The following ZNF672 variants were observed in gnomAD, a reference collection of about 807,000 sequenced individuals.
ZNF672 encodes hypothetical protein FLJ22301.
For synonymous variants in ZNF672, 358 were observed against 305.6 expected (o/e 1.17, Z -1.79); for missense variants, 733 against 701.1 (o/e 1.05, Z -0.51).
At position 248,849,338 on chromosome 1, in the gene ZNF672, T is replaced by C; in HGVS notation, c.*705T>C. 2.8e-6 allele frequency: 1 copy of C among 360,132 alleles called. No homozygotes were observed. Among genetic ancestry groups the C allele is most frequent in the South Asian group, 2.2e-5 (1 of 44,656 alleles). The allele number at this position is 360,132 out of a possible 1,614,324, so 22.3% of individuals were successfully genotyped here. A position where few individuals can be genotyped will look rare whatever the true frequency, so the allele number is the denominator to read the frequency against. On this transcript the variant is annotated 3_prime_UTR_variant, in exon 4 of 4. Transcript: ENST00000306562. ...TGTTCCCCAGCCAGGTGAGGACCAT[T>C]TTCACTGGGACCCAGGCCAAAACCA...
intron 1 of ZNF672, among the ~76,000 whole-genome samples, chr1:248,841,194 C>CT (rs1664674818): frequency 6.6e-6 from 1 of 152,232 alleles, no homozygotes; most frequent in Non-Finnish European, 1.5e-5. Context: ...TAGTCAGGCC[C>CT]TTTCCTCCAG....
rs1558239455 is a variant in ZNF672 at position 248,847,681 on chromosome 1, C to CCTTCCGGCAGAGCGCGCTGCT, written c.413_433dup (p.Arg138_Phe144dup). 6 of 1,478,216 alleles carry CCTTCCGGCAGAGCGCGCTGCT rather than the reference C, an allele frequency of 4.1e-6. No homozygotes were observed. In the East Asian group the frequency reaches 7.7e-5, roughly 19 times the overall value. The allele number at this position is 1,478,216 out of a possible 1,614,324, so 91.6% of individuals were successfully genotyped here. A position where few individuals can be genotyped will look rare whatever the true frequency, so the allele number is the denominator to read the frequency against. ...CGCCGCTGCCCGCTGTGCGCCCGCA[C>CCTTCCGGCAGAGCGCGCTGCT]CTTCCGGCAGAGCGCGCTGCTCTTC... On this transcript the variant is annotated inframe_insertion, in exon 4 of 4. Coordinates refer to ENST00000306562, the MANE Select transcript of ZNF672 (RefSeq NM_024836.3).
chr1:248,843,116 A>G (rs1664704668), intron 1 of ZNF672, among the ~76,000 whole-genome samples: 1 of 152,136 alleles, frequency 6.6e-6, no homozygotes, highest in South Asian at 2.1e-4. Flanking sequence ...GAGATGGGCT[A>G]CGTGGCCTGC....
rs1010868459 is a variant in ZNF672 at position 248,844,292 on chromosome 1, A to G, written c.-474-191A>G. The stretch of plus-strand genomic sequence containing the variant: ...AGGTACTTATATACTTTATTCAACA[A>G]TGAGAATTTTCACCAATTCACACGT... On this transcript the variant is annotated intron_variant, in intron 1 of 3. Transcript: ENST00000306562. 5.3e-5 allele frequency among the ~76,000 whole-genome samples: 8 copies of G among 152,268 alleles called. No individual in the cohort carries two copies. The East Asian group carries it at 7.7e-4, about 15-fold the overall frequency.
chr1:248,848,244 T>C lies in ZNF672; in HGVS notation c.970T>C (p.Ser324Pro), dbSNP rs1382026290. Residue 324 changes from serine (S) to proline (P), a missense_variant, in exon 4 of 4, where the codon TCG (serine) becomes CCG (proline). Transcript: ENST00000306562. ...GTGCGGCCGCCGCTTCAGCGACCGC[T>C]CGGACCTCACCAAGCACCGGCGCAC... ...PECGRRFSDR[S>P]DLTKHRRTHT... is the part of the protein sequence containing the mutation. 6.2e-6 allele frequency: 10 copies of C among 1,602,054 alleles called. 1 individual carries two copies. The South Asian group carries it at 9.9e-5, about 16-fold the overall frequency.
intron 1 of ZNF672, among the ~76,000 whole-genome samples, chr1:248,843,826 CT>C (rs1482867853): frequency 6.6e-6 from 1 of 152,140 alleles, no homozygotes; most frequent in Non-Finnish European, 1.5e-5. Flanking sequence ...TACAAATCAA[CT>C]CAGTTTGAAC....
chr1:248,843,219 A>C (rs1303574602), intron 1 of ZNF672, among the ~76,000 whole-genome samples: 1 of 152,220 alleles, frequency 6.6e-6, no homozygotes, highest in African/African-American at 2.4e-5. Flanking sequence ...GGGGTTACTA[A>C]TAACACCCAC....
At chr1:248,844,086 G>A (rs1664720077) in intron 1 of ZNF672, among the ~76,000 whole-genome samples, 1 of 151,754 alleles carries the variant, frequency 6.6e-6, no homozygotes, top group African/African-American at 2.4e-5. Context: ...TTGAAAATAA[G>A]GATTTTCAAT....
rs1033132427 is a variant in ZNF672 at position 248,849,313 on chromosome 1, T to G, written c.*680T>G. On this transcript the variant is annotated 3_prime_UTR_variant, in exon 4 of 4. Transcript: ENST00000306562. ...CAGATCAAGGGGCCTCTCAGAACCATGTTCCCCAGCCAGGTGAGGACCATT... is the reference window on the plus strand; with the variant it reads ...CAGATCAAGGGGCCTCTCAGAACCAGGTTCCCCAGCCAGGTGAGGACCATT... 2.7e-6 allele frequency: 1 copy of G among 368,694 alleles called. No individual in the cohort carries two copies. The highest frequency in any genetic ancestry group is 5.5e-6 in the Non-Finnish European group (1 of 180,480). The allele number at this position is 368,694 out of a possible 1,614,324, so 22.8% of individuals were successfully genotyped here.
chr1:248,841,142 AT>A, intron 1 of ZNF672, among the ~76,000 whole-genome samples: 1 of 149,906 alleles, frequency 6.7e-6, no homozygotes, highest in African/African-American at 2.5e-5. Context: ...TAGTCAGAGT[AT>A]TTGTATGCAG....
chr1:248,847,344 TG>T lies in ZNF672; in HGVS notation c.71del (p.Cys24SerfsTer22). On this transcript the variant is annotated frameshift_variant, in exon 4 of 4. Coordinates refer to ENST00000306562, the MANE Select transcript of ZNF672 (RefSeq NM_024836.3). LOFTEE classifies it low-confidence loss of function (END_TRUNC). ...GTGCAGCGAATGTGGCAAGAGCTTC[TG>T]CTACAGCTCAGTGCTGCTGCGACAT... The part of the protein sequence containing the change: ...YSCSECGKSF[C>X]YSSVLLRHER... The T allele has an allele frequency of 6.2e-7, 1 of 1,612,766 alleles. No homozygotes were observed. Among genetic ancestry groups the T allele is most frequent in the Non-Finnish European group, 8.5e-7 (1 of 1,179,050 alleles).
In ZNF672 at chr1:248,849,319, C is replaced by G. The variant is rs954132431; in HGVS notation, c.*686C>G. On this transcript the variant is annotated 3_prime_UTR_variant, in exon 4 of 4. Coordinates refer to ENST00000306562, the MANE Select transcript of ZNF672 (RefSeq NM_024836.3). Reference sequence around the variant, plus strand: ...AAGGGGCCTCTCAGAACCATGTTCCCCAGCCAGGTGAGGACCATTTTCACT... The same window carrying G: ...AAGGGGCCTCTCAGAACCATGTTCCGCAGCCAGGTGAGGACCATTTTCACT... The G allele has an allele frequency of 2.7e-6, 1 of 366,720 alleles. No individual in the cohort carries two copies. The highest frequency in any genetic ancestry group is 2.1e-5 in the African/African-American group (1 of 46,668). The allele number at this position is 366,720 out of a possible 1,614,324, so 22.7% of individuals were successfully genotyped here.
chr1:248,847,555 A>AGCGATGCCGCACTTGCCCCTGCC lies in ZNF672; in HGVS notation c.284_306dup (p.Thr103AspfsTer120). 3 of 1,585,346 alleles carry AGCGATGCCGCACTTGCCCCTGCC rather than the reference A, an allele frequency of 1.9e-6. No homozygotes were observed. Among genetic ancestry groups the AGCGATGCCGCACTTGCCCCTGCC allele is most frequent in the Non-Finnish European group, 2.6e-6 (3 of 1,168,490 alleles). ...GACCTACACTTGGGCGCACACCGGC[A>AGCGATGCCGCACTTGCCCCTGCC]GCGATGCCGCACTTGCCCCTGCCGC... On this transcript the variant is annotated frameshift_variant, in exon 4 of 4. Coordinates refer to ENST00000306562, the MANE Select transcript of ZNF672 (RefSeq NM_024836.3). LOFTEE classifies it low-confidence loss of function (END_TRUNC).
intron 1 of ZNF672, among the ~76,000 whole-genome samples, chr1:248,839,959 G>C (rs878877893): frequency 2.0e-4 from 31 of 152,014 alleles, no homozygotes; most frequent in Non-Finnish European, 2.8e-4. Context: ...GGCTGGTCTC[G>C]AGCTCCTGAC....
At chr1:248,846,236 A>G (rs1664759010) in intron 3 of ZNF672, among the ~76,000 whole-genome samples, 1 of 152,212 alleles carries the variant, frequency 6.6e-6, no homozygotes, top group African/African-American at 2.4e-5. Context: ...TATCCTGACA[A>G]TTATTATAGA....
Position 248,847,696 on chromosome 1 carries a change from C to T in ZNF672, c.422C>T (p.Ala141Val), listed in dbSNP as rs1412255075. Reference sequence around the variant, plus strand: ...TGCGCCCGCACCTTCCGGCAGAGCGCGCTGCTCTTCCACCAGGCGCGGGCG... The same window carrying T: ...TGCGCCCGCACCTTCCGGCAGAGCGTGCTGCTCTTCCACCAGGCGCGGGCG... ...PLCARTFRQSALLFHQARAHP... is the reference protein window; with the variant it reads ...PLCARTFRQSVLLFHQARAHP... Residue 141 changes from alanine (A) to valine (V), a missense_variant, in exon 4 of 4, where the codon GCG (alanine) becomes GTG (valine). By Grantham distance (64) the Ala-to-Val change is moderately conservative (BLOSUM62 0). Transcript: ENST00000306562. The T allele has an allele frequency of 3.4e-6, 5 of 1,464,304 alleles. No homozygotes were observed. The Admixed American group carries it at 7.8e-5, about 23-fold the overall frequency. The allele number at this position is 1,464,304 out of a possible 1,614,324, so 90.7% of individuals were successfully genotyped here.
Position 248,848,633 on chromosome 1 carries a change from G to A in ZNF672, c.1359G>A (p.Ter453=). 6.4e-7 allele frequency: 1 copy of A among 1,564,366 alleles called. No homozygotes were observed. The highest frequency in any genetic ancestry group is 8.7e-7 in the Non-Finnish European group (1 of 1,154,262). ...AAAAGCCAGGGTTCTCTGTGTCCTA[G>A]TTGAGGGAGGCTTGCTGAGGCTTCT... ...EQEKPGFSVS[*] Residue 453 remains the stop codon, a stop_retained_variant, in exon 4 of 4, where the codon TAG becomes TAA. Transcript: ENST00000306562.
At position 248,848,179 on chromosome 1, in the gene ZNF672, A is replaced by T; in HGVS notation, c.905A>T (p.Gln302Leu). 6.3e-7 allele frequency: 1 copy of T among 1,598,850 alleles called. No individual in the cohort carries two copies. The highest frequency in any genetic ancestry group is 8.5e-7 in the Non-Finnish European group (1 of 1,176,486). Residue 302 changes from glutamine (Q) to leucine (L), a missense_variant, in exon 4 of 4, where the codon CAG (glutamine) becomes CTG (leucine). Gln to Leu is a moderately radical substitution (Grantham distance 113). Transcript: ENST00000306562. ...FGQRSDLVVH[Q>L]RIHTGEKPFA... ...CAGCGCTCCGACCTGGTGGTGCACC[A>T]GCGCATCCACACGGGCGAGAAGCCC... is the stretch of plus-strand genomic sequence containing the variant.
At chr1:248,845,234 C>T (rs1006751157) in intron 2 of ZNF672, among the ~76,000 whole-genome samples, 3 of 152,290 alleles carry the variant, frequency 2.0e-5, no homozygotes, top group African/African-American at 7.2e-5. Flanking sequence ...TGCTCTCTAG[C>T]CTGGGCGACA....
Sources: gnomAD v4.1 joint callset for allele counts (sites outside exome capture counted in the v4.1 genomes callset) on GRCh38, gnomAD v4.1.1 for gene constraint, MANE v1.5 for transcripts, NCBI Gene and HGNC (gene_info 2026-07-23, HGNC 2026-07-21) for gene names.